Variants in XKR7 observed in about 807,000 individuals in gnomAD.
XKR7 encodes XK related 7.
A neutral mutation model predicts 42.2 loss-of-function variants in XKR7; 11 were observed. The observed-to-expected ratio is 0.26, with a 90% CI of 0.16 to 0.43. XKR7 has a LOEUF of 0.43. Ranked by LOEUF, XKR7 falls within the 20% of genes least tolerant of loss-of-function variation. XKR7 has a pLI of 1.00. For synonymous variants in XKR7, 346 were observed against 366.4 expected, an observed-to-expected ratio of 0.94 and a Z score of 0.64; for missense variants, 710 against 802.2, an observed-to-expected ratio of 0.89 and a Z score of 1.39.
At chr20:31,982,016 C>T (rs1433990144) in intron 1 of XKR7, among the ~76,000 whole-genome samples, 1 of 152,230 alleles carries the variant, frequency 6.6e-6, no homozygotes, top group Non-Finnish European at 1.5e-5. Context: ...CCTCCAATAG[C>T]ACTGCCATCC....
chr20:31,980,431 G>A (rs2064506865), intron 1 of XKR7, among the ~76,000 whole-genome samples: 1 of 152,174 alleles, frequency 6.6e-6, no homozygotes, highest in African/African-American at 2.4e-5. Flanking sequence ...CTATATAGCT[G>A]GGAACCCAAT....
rs565826002 is a variant in XKR7, at chr20:31,997,550, G to C, written c.*93G>C. ...GAATTTCAGGGCCACCAGGCTAAGGGGGAGTGGATCTGTTGGTCCAAGGGT... is the reference window on the plus strand; with the variant it reads ...GAATTTCAGGGCCACCAGGCTAAGGCGGAGTGGATCTGTTGGTCCAAGGGT... On this transcript the variant is annotated 3_prime_UTR_variant, in exon 3 of 3. Coordinates refer to ENST00000562532, the MANE Select transcript of XKR7 (RefSeq NM_001011718.2). 3.4e-5 allele frequency: 42 copies of C among 1,218,470 alleles called. No individual in the cohort carries two copies. The African/African-American group carries it at 5.3e-4, about 15-fold the overall frequency. 75.5% of individuals were successfully genotyped at this position (1,218,470 alleles called of 1,614,324 possible).
chr20:31,975,656 C>A (rs2064481470), intron 1 of XKR7, among the ~76,000 whole-genome samples: 1 of 151,028 alleles, frequency 6.6e-6, no homozygotes, highest in East Asian at 1.9e-4. Context: ...CTTGTTGAAA[C>A]CTCAGGCAAT....
rs180787500 is a variant in XKR7 at position 31,973,391 on chromosome 20, C to T, written c.584+4632C>T. ...TGGTGAACAAGACAAAGTCCTTGCC[C>T]TCTTGGAGCTCAATAGCCTAATGAA... is the stretch of plus-strand genomic sequence containing the variant. On this transcript the variant is annotated intron_variant, in intron 1 of 2. Coordinates refer to ENST00000562532, the MANE Select transcript of XKR7 (RefSeq NM_001011718.2). Among the ~76,000 whole-genome samples, 4 of 152,232 alleles carry T rather than the reference C, an allele frequency of 2.6e-5. No homozygotes were observed. In the East Asian group the frequency reaches 5.8e-4, roughly 22 times the overall value.
At chr20:31,976,766 C>G (rs145667742) in intron 1 of XKR7, among the ~76,000 whole-genome samples, 182 of 152,318 alleles carry the variant, frequency 1.2e-3, no homozygotes, top group African/African-American at 4.3e-3. Context: ...ACTTCCTCCC[C>G]AGGCACAATT....
Position 31,997,013 on chromosome 20 carries a change from G to A in XKR7, c.1296G>A (p.Met432Ile). The change falls in exon 3 of 3, where the codon ATG becomes ATA. Residue 432 changes from methionine (M) to isoleucine (I), a missense_variant. Around this residue, in one of 2 missense-constraint regions of XKR7, gnomAD observed 708 missense variants for 786.2 expected, o/e 0.90. Transcript: ENST00000562532. ...ASSFALGIFF[M>I]CVYYCLLHPN... ...GCTTTGCGCTGGGCATATTCTTCAT[G>A]TGTGTCTACTACTGTCTCCTGCACC... 6.2e-7 allele frequency: 1 copy of A among 1,614,090 alleles called. No homozygotes were observed. Among genetic ancestry groups the A allele is most frequent in the Non-Finnish European group, 8.5e-7 (1 of 1,180,042 alleles).
intron 1 of XKR7, among the ~76,000 whole-genome samples, chr20:31,971,632 TC>T (rs1384674745): frequency 2.6e-5 from 4 of 152,108 alleles, no homozygotes; most frequent in African/African-American, 9.7e-5. Context: ...TGTGATTGAG[TC>T]CTCCAGAATC....
intron 1 of XKR7, among the ~76,000 whole-genome samples, chr20:31,989,788 T>C (rs2064561108): frequency 6.6e-6 from 1 of 152,200 alleles, no homozygotes; most frequent in South Asian, 2.1e-4. Context: ...AATTTTTAAA[T>C]GTTTTGTAGA....
intron 1 of XKR7, among the ~76,000 whole-genome samples, chr20:31,974,434 A>G (rs1456115470): frequency 2.0e-5 from 3 of 152,162 alleles, no homozygotes; most frequent in African/African-American, 7.2e-5. Context: ...GGAATCAGCC[A>G]TATCCTGCAC....
chr20:31,992,229 T>TC (rs767670425), intron 1 of XKR7, among the ~76,000 whole-genome samples: 2 of 152,226 alleles, frequency 1.3e-5, no homozygotes, highest in Non-Finnish European at 2.9e-5. Context: ...TTGTCTCTCT[T>TC]CCATGGGACT....
At chr20:31,986,789 C>T (rs1374275802) in intron 1 of XKR7, among the ~76,000 whole-genome samples, 2 of 142,066 alleles carry the variant, frequency 1.4e-5, no homozygotes, top group East Asian at 4.0e-4. Context: ...AAGACACAGA[C>T]AGACAGACAG....
At chr20:31,989,042 G>A (rs2064556001) in intron 1 of XKR7, among the ~76,000 whole-genome samples, 2 of 152,164 alleles carry the variant, frequency 1.3e-5, no homozygotes, top group Admixed American at 1.3e-4. Context: ...GATTCACAGT[G>A]GGAGAATGGA....
Position 32,002,448 on chromosome 20 carries a change from C to G in XKR7, c.*4991C>G, listed in dbSNP as rs6061085. The G allele has an allele frequency of 6.6e-6, 1 of 151,942 alleles. No homozygotes were observed. Among genetic ancestry groups the G allele is most frequent in the Non-Finnish European group, 1.5e-5 (1 of 68,006 alleles). 9.4% of individuals were successfully genotyped at this position (151,942 alleles called of 1,614,324 possible). On this transcript the variant is annotated 3_prime_UTR_variant, in exon 3 of 3. Transcript: ENST00000562532. ...CTCTCTCACCCAAATCCCCCCAGAT[C>G]GAATCTGACCCTTTTCCCTGGTCTC...
chr20:31,994,505 G>A (rs948917355), intron 1 of XKR7, among the ~76,000 whole-genome samples: 63 of 152,220 alleles, frequency 4.1e-4, no homozygotes, highest in African/African-American at 1.5e-3. Context: ...TTGAGATGAG[G>A]CCAGGAGTTC....
intron 1 of XKR7, among the ~76,000 whole-genome samples, chr20:31,977,256 A>T (rs1389366473): frequency 6.6e-6 from 1 of 152,212 alleles, no homozygotes; most frequent in Admixed American, 6.5e-5. Context: ...TGTGAACTGG[A>T]TTGAACCTTT....
In XKR7 at chr20:31,968,587, G is replaced by T. The variant is rs1214636822; in HGVS notation, c.412G>T (p.Ala138Ser). 4 of 1,609,152 alleles carry T rather than the reference G, an allele frequency of 2.5e-6. No individual in the cohort carries two copies. Among genetic ancestry groups the T allele is most frequent in the Non-Finnish European group, 3.4e-6 (4 of 1,178,996 alleles). The change falls in exon 1 of 3, where the codon GCC becomes TCC. Residue 138 changes from alanine to serine, a missense_variant. Ala to Ser is a moderately conservative substitution (Grantham distance 99, BLOSUM62 1). Coordinates refer to ENST00000562532, the MANE Select transcript of XKR7 (RefSeq NM_001011718.2). This position sits in a 1 kb window ranked among gnomAD's most constrained non-coding sequence, Gnocchi z 4.5. Reference sequence around the variant, plus strand: ...CAAGGACAGCGTAGCCGGCGGAGCCGCCATCAGCACCAAGGACAGCGCCGG... The same window carrying T: ...CAAGGACAGCGTAGCCGGCGGAGCCTCCATCAGCACCAAGGACAGCGCCGG... ...STKDSVAGGA[A>S]ISTKDSAGAF...
At chr20:31,973,451 A>G (rs544062244) in intron 1 of XKR7, among the ~76,000 whole-genome samples, 10 of 152,322 alleles carry the variant, frequency 6.6e-5, no homozygotes, top group Admixed American at 3.3e-4. Context: ...GATATATATT[A>G]TATGGGATAT....
intron 1 of XKR7, among the ~76,000 whole-genome samples, chr20:31,986,819 G>C (rs2064543607): frequency 7.4e-6 from 1 of 134,940 alleles, no homozygotes; most frequent in Admixed American, 7.9e-5. Flanking sequence ...CAACCAAGCA[G>C]ACCCAGCATC....
intron 1 of XKR7, among the ~76,000 whole-genome samples, chr20:31,992,031 C>T (rs1244086410): frequency 6.6e-6 from 1 of 152,156 alleles, no homozygotes; most frequent in Non-Finnish European, 1.5e-5. Flanking sequence ...GCAGGAGAAT[C>T]GCTTGAACTC....
Sources: gnomAD v4.1 joint callset for allele counts (sites outside exome capture counted in the v4.1 genomes callset) on GRCh38, gnomAD v4.1.1 for gene constraint, gnomAD v4.1.1 regional missense constraint, Gnocchi (gnomAD v3.1) non-coding constraint, MANE v1.5 for transcripts, NCBI Gene and HGNC (gene_info 2026-07-23, HGNC 2026-07-21) for gene names.